ACBD6: variants seen among roughly 807,000 people sequenced by gnomAD.
ACBD6 encodes the protein acyl-CoA binding domain containing 6, also known as acyl-CoA-binding domain-containing protein 6.
Under a neutral mutation model 37.2 loss-of-function variants are expected in ACBD6, and 28 were observed. The observed-to-expected ratio is 0.75, with a 90% CI of 0.56 to 1.03. The LOEUF (loss-of-function observed/expected upper bound fraction) is 1.03. Ranked by LOEUF, ACBD6 falls within the 50% of genes least tolerant of loss-of-function variation. The probability of loss-of-function intolerance (pLI) is 0.00; values close to 1 mark genes in which losing one functional copy is unlikely to be tolerated. For missense variants in ACBD6, 340 were observed against 337.4 expected (o/e 1.01, Z -0.06); for synonymous variants, 113 against 126.8 (o/e 0.89, Z 0.73).
chr1:180,325,490 ATTTC>A (rs1370223765), intron 6 of ACBD6, among the ~76,000 whole-genome samples: 3 of 152,084 alleles, frequency 2.0e-5, no homozygotes, highest in African/African-American at 7.2e-5. Context: ...GTTATCTTAA[ATTTC>A]TTTGAGTTTC....
At chr1:180,434,826 T>C (rs1648955471) in intron 3 of ACBD6, 1 of 730,970 alleles carries the variant, frequency 1.4e-6, no homozygotes, top group Non-Finnish European at 2.6e-6. Flanking sequence ...CGAATGCCAA[T>C]CTTGGCAAAT....
rs772976029 is a variant in ACBD6 at position 180,502,157 on chromosome 1, T to G, written c.110A>C (p.Glu37Ala). Residue 37 changes from glutamate to alanine, a missense_variant, in exon 1 of 8, where the codon GAG becomes GCG. Transcript: ENST00000367595. ...EVEFPHSPEI[E>A]ETSCLAELFE... ...CAGCTCGGCCAGGCAACTGGTCTCC[T>G]CGATCTCAGGGCTATGGGGGAACTC... The G allele has an allele frequency of 1.2e-6, 2 of 1,614,114 alleles. No individual in the cohort carries two copies. Among genetic ancestry groups the G allele is most frequent in the Admixed American group, 3.3e-5 (2 of 60,026 alleles).
intron 5 of ACBD6, among the ~76,000 whole-genome samples, chr1:180,406,339 T>C (rs1647624674): frequency 6.6e-6 from 1 of 152,144 alleles, no homozygotes; most frequent in Non-Finnish European, 1.5e-5. Flanking sequence ...AACATTTCCT[T>C]GGAGTGTCAC....
chr1:180,388,019 C>A (rs886784111), intron 6 of ACBD6, among the ~76,000 whole-genome samples: 9 of 151,322 alleles, frequency 5.9e-5, no homozygotes, highest in African/African-American at 1.9e-4. Flanking sequence ...ACTAAAAATA[C>A]AAAAAAATTA....
At chr1:180,339,632 G>A (rs10753208) in intron 6 of ACBD6, among the ~76,000 whole-genome samples, 74,360 of 151,760 alleles carry the variant, frequency 0.49, 20,851 homozygotes, top group South Asian at 0.66. Context: ...GTATATATAT[G>A]TGACAAACCT....
chr1:180,373,127 C>G (rs1653320299), intron 6 of ACBD6, among the ~76,000 whole-genome samples: 1 of 152,122 alleles, frequency 6.6e-6, no homozygotes, highest in Non-Finnish European at 1.5e-5. Flanking sequence ...CAGCAATGTA[C>G]AAGAAGTATT....
intron 7 of ACBD6, among the ~76,000 whole-genome samples, chr1:180,307,455 G>A (rs1276809790): frequency 6.6e-6 from 1 of 152,108 alleles, no homozygotes; most frequent in African/African-American, 2.4e-5. Flanking sequence ...AGCACAACAG[G>A]ATGATTATAG....
chr1:180,416,368 T>C (rs765458905), intron 4 of ACBD6, among the ~76,000 whole-genome samples: 1 of 152,202 alleles, frequency 6.6e-6, no homozygotes, highest in Non-Finnish European at 1.5e-5. Flanking sequence ...CCATGCTTAT[T>C]TGAAACAAAA....
intron 6 of ACBD6, among the ~76,000 whole-genome samples, chr1:180,362,218 T>A (rs555909484): frequency 6.6e-6 from 1 of 152,240 alleles, no homozygotes; most frequent in Non-Finnish European, 1.5e-5. Context: ...GAATAATGAA[T>A]AATTAAGTTA....
chr1:180,426,378 G>A (rs1648581104), intron 4 of ACBD6, among the ~76,000 whole-genome samples: 1 of 152,122 alleles, frequency 6.6e-6, no homozygotes, highest in Non-Finnish European at 1.5e-5. Flanking sequence ...AACCTTTGAA[G>A]CATGCAAGTA....
chr1:180,367,170 A>T (rs542179307), intron 6 of ACBD6, among the ~76,000 whole-genome samples: 16 of 152,334 alleles, frequency 1.1e-4, no homozygotes, highest in African/African-American at 3.8e-4. Context: ...CAATTTTCAG[A>T]CTTCCTTTGC....
chr1:180,296,709 G>A (rs948244672), intron 7 of ACBD6, among the ~76,000 whole-genome samples: 4 of 152,024 alleles, frequency 2.6e-5, no homozygotes, highest in African/African-American at 9.7e-5. Context: ...GGGATTACAG[G>A]CATGAGCCAC....
intron 7 of ACBD6, among the ~76,000 whole-genome samples, chr1:180,312,129 A>G (rs1650618462): frequency 6.6e-6 from 1 of 152,194 alleles, no homozygotes; most frequent in Non-Finnish European, 1.5e-5. Flanking sequence ...ATCTGCTGGA[A>G]TTCTTATGAA....
At chr1:180,375,806 C>T (rs1408867355) in intron 6 of ACBD6, among the ~76,000 whole-genome samples, 1 of 151,876 alleles carries the variant, frequency 6.6e-6, no homozygotes, top group African/African-American at 2.4e-5. Context: ...GACTTAAAAT[C>T]CAGAGGCAAT....
intron 7 of ACBD6, among the ~76,000 whole-genome samples, 175 bp from the exon 8 acceptor site, chr1:180,288,692 T>A (rs1649582370): frequency 6.6e-6 from 1 of 152,212 alleles, no homozygotes; most frequent in African/African-American, 2.4e-5. Context: ...ATGCTAGATT[T>A]TCAAGCCTTA....
chr1:180,305,667 G>A (rs1650326406), intron 7 of ACBD6, among the ~76,000 whole-genome samples: 1 of 152,174 alleles, frequency 6.6e-6, no homozygotes, highest in South Asian at 2.1e-4. Flanking sequence ...CTGTAAACTG[G>A]TTCAACCATT....
At chr1:180,490,874 C>T (rs952390299) in intron 3 of ACBD6, among the ~76,000 whole-genome samples, 1 of 148,356 alleles carries the variant, frequency 6.7e-6, no homozygotes. Context: ...GGGAGAATCA[C>T]TTGAACCTGG....
At chr1:180,283,934 A>C (rs1347077431), downstream of ACBD6, among the ~76,000 whole-genome samples, 2 of 152,156 alleles carry the variant, frequency 1.3e-5, no homozygotes, top group African/African-American at 4.8e-5. Context: ...AAAAACACCC[A>C]AAAAACCAGA....
chr1:180,412,605 C>T (rs1647904172), intron 5 of ACBD6, among the ~76,000 whole-genome samples: 2 of 152,096 alleles, frequency 1.3e-5, no homozygotes, highest in South Asian at 4.1e-4. Flanking sequence ...GTGGCTCATG[C>T]CTATAATCCC....
Sources: gnomAD v4.1 joint callset for allele counts (sites outside exome capture counted in the v4.1 genomes callset) on GRCh38, gnomAD v4.1.1 for gene constraint, MANE v1.5 for transcripts, NCBI Gene and HGNC (gene_info 2026-07-23, HGNC 2026-07-21) for gene names.